Variants in NAA60 observed in about 807,000 individuals in gnomAD.
The protein encoded by NAA60 is N-alpha-acetyltransferase 60.
In NAA60, 8 loss-of-function variants were observed where a neutral mutation model predicts 26.1. The observed-to-expected ratio is 0.31, with a 90% CI of 0.18 to 0.55. NAA60 has a LOEUF of 0.55. Among genes scored for constraint, NAA60 ranks in the 20% least tolerant of loss-of-function variants. The pLI is 0.93. For synonymous variants in NAA60, 131 were observed against 122.5 expected (o/e 1.07, Z -0.46); for missense variants, 290 against 311.3 (o/e 0.93, Z 0.51).
intron 6 of NAA60, chr16:3,483,889 G>T (rs2037002826): frequency 2.4e-6 from 1 of 416,064 alleles, no homozygotes; most frequent in Non-Finnish European, 4.3e-6. Context: ...CCTGCACCCA[G>T]CTGGAGAGCC....
intron 2 of NAA60, chr16:3,448,841 C>T: frequency 3.8e-6 from 1 of 261,428 alleles, no homozygotes; most frequent in African/African-American, 2.3e-5. Flanking sequence ...ATGGGTAAGC[C>T]CAGTCTCAGG....
At chr16:3,461,270 G>C (rs535924616) in intron 2 of NAA60, among the ~76,000 whole-genome samples, 1 of 152,160 alleles carries the variant, frequency 6.6e-6, no homozygotes, top group Non-Finnish European at 1.5e-5. Context: ...GGTCTGAACC[G>C]GGGGAGCCAG....
intron 2 of NAA60, among the ~76,000 whole-genome samples, chr16:3,472,686 G>A (rs2036230032): frequency 6.6e-6 from 1 of 152,136 alleles, no homozygotes; most frequent in Admixed American, 6.5e-5. Context: ...GCCTGCCTTG[G>A]CCTCCCAAAG....
chr16:3,456,116 C>A (rs1294220125), intron 2 of NAA60, among the ~76,000 whole-genome samples: 2 of 152,192 alleles, frequency 1.3e-5, no homozygotes, highest in African/African-American at 2.4e-5. Flanking sequence ...TCAAAACAAA[C>A]ACACACCCCG....
intron 2 of NAA60, among the ~76,000 whole-genome samples, chr16:3,463,334 G>C (rs1225520880): frequency 6.6e-6 from 1 of 151,610 alleles, no homozygotes; most frequent in African/African-American, 2.4e-5. Context: ...GATCACTTGA[G>C]CTCTGGAGTT....
intron 2 of NAA60, among the ~76,000 whole-genome samples, chr16:3,470,543 G>A (rs2036063086): frequency 6.6e-6 from 1 of 152,206 alleles, no homozygotes; most frequent in African/African-American, 2.4e-5. Flanking sequence ...GCCCAGCGTG[G>A]CCCTCATAGC....
chr16:3,456,436 A>G (rs2034998675), intron 2 of NAA60, among the ~76,000 whole-genome samples: 1 of 149,182 alleles, frequency 6.7e-6, no homozygotes, highest in African/African-American at 2.5e-5. Flanking sequence ...CAGAGCGAGC[A>G]ATTTCCTTTT....
intron 3 of NAA60, among the ~76,000 whole-genome samples, chr16:3,477,029 G>A (rs745494695): frequency 6.6e-5 from 10 of 151,462 alleles, no homozygotes; most frequent in East Asian, 1.9e-4. Flanking sequence ...CAACAAGAGC[G>A]ATATTCCGTT....
intron 5 of NAA60, chr16:3,483,018 A>T (rs895573948): frequency 4.2e-6 from 2 of 474,332 alleles, no homozygotes; most frequent in African/African-American, 3.9e-5. Flanking sequence ...ACGGCCAGTG[A>T]GCGGCAGAGT....
intron 1 of NAA60, chr16:3,447,548 G>A (rs770242235): frequency 1.0e-5 from 10 of 985,132 alleles, no homozygotes; most frequent in Non-Finnish European, 1.2e-5. Flanking sequence ...CGCCTTTACC[G>A]TATCCTTCAT....
At chr16:3,479,890 A>G (rs1030179677) in intron 4 of NAA60, among the ~76,000 whole-genome samples, 1 of 152,208 alleles carries the variant, frequency 6.6e-6, no homozygotes, top group African/African-American at 2.4e-5. Context: ...TGCAGTTACA[A>G]CGTGCTATGA....
At chr16:3,447,380 T>C in intron 1 of NAA60, 1 of 677,850 alleles carries the variant, frequency 1.5e-6, no homozygotes, top group Non-Finnish European at 1.8e-6. Context: ...AGGCATGCAA[T>C]GTGTAATCAC....
At chr16:3,459,859 A>G (rs2035263752) in intron 2 of NAA60, among the ~76,000 whole-genome samples, 1 of 152,106 alleles carries the variant, frequency 6.6e-6, no homozygotes, top group South Asian at 2.1e-4. Context: ...CAGTATGGAG[A>G]GTATCTTTAG....
intron 2 of NAA60, among the ~76,000 whole-genome samples, chr16:3,474,688 A>G (rs985488821): frequency 6.6e-6 from 1 of 152,232 alleles, no homozygotes; most frequent in Non-Finnish European, 1.5e-5. Flanking sequence ...CTGGGGGCCC[A>G]GGGGCTTGCC....
At chr16:3,479,444 T>C (rs780481101) in intron 3 of NAA60, 27 bp from the exon 4 acceptor site, 1 of 1,609,414 alleles carries the variant, frequency 6.2e-7, no homozygotes. Context: ...CTGTGGCAGG[T>C]TCACCTGAGT....
chr16:3,471,670 C>T (rs1182649248), intron 2 of NAA60, among the ~76,000 whole-genome samples: 3 of 152,182 alleles, frequency 2.0e-5, no homozygotes, highest in Admixed American at 6.5e-5. Flanking sequence ...CGGCTGGTTT[C>T]GCAGGTTGCC....
At chr16:3,457,908 CCCG>C in intron 2 of NAA60, 3 of 390,128 alleles carry the variant, frequency 7.7e-6, no homozygotes, top group East Asian at 2.9e-4. Context: ...ACGGAGCCTG[CCCG>C]CTCCCAACCT....
chr16:3,453,786 A>G (rs957103407), intron 2 of NAA60, among the ~76,000 whole-genome samples: 3 of 152,116 alleles, frequency 2.0e-5, no homozygotes, highest in Non-Finnish European at 4.4e-5. Flanking sequence ...TGTGTACAAG[A>G]TTGTAAGTTG....
At chr16:3,454,435 A>G (rs1006907894) in intron 2 of NAA60, among the ~76,000 whole-genome samples, 5 of 152,230 alleles carry the variant, frequency 3.3e-5, no homozygotes, top group African/African-American at 1.2e-4. Flanking sequence ...AGGGAGAAGG[A>G]GCAGACAGAC....
Sources: allele counts gnomAD v4.1 joint callset (sites outside exome capture counted in the v4.1 genomes callset), GRCh38; gene constraint gnomAD v4.1.1; transcripts MANE v1.5; gene names NCBI Gene and HGNC (gene_info 2026-07-23, HGNC 2026-07-21).